Variants in EVI5 observed in about 807,000 individuals in gnomAD.
EVI5 encodes the protein ecotropic viral integration site 5.
In EVI5, 73 loss-of-function variants were observed where a neutral mutation model predicts 112.0. The ratio of observed to expected loss-of-function variants is 0.65; its 90% CI spans 0.54 to 0.79. The LOEUF (loss-of-function observed/expected upper bound fraction) is 0.79, where lower values mean the gene tolerates loss of function less well. EVI5 is among the 30% of genes least tolerant of loss of function. The pLI, the probability that EVI5 is intolerant of heterozygous loss-of-function variation, is 0.00. For synonymous variants in EVI5, 305 were observed against 319.9 expected (o/e 0.95, Z 0.50); for missense variants, 900 against 968.8 (o/e 0.93, Z 0.94).
intron 13 of EVI5, among the ~76,000 whole-genome samples, chr1:92,639,369 T>C (rs1264908629): frequency 2.0e-5 from 3 of 151,674 alleles, no homozygotes; most frequent in Non-Finnish European, 4.4e-5. Context: ...AAAAAGTAAA[T>C]ATTTGTATTG....
At chr1:92,626,145 A>C (rs1222006272) in intron 14 of EVI5, among the ~76,000 whole-genome samples, 1 of 152,178 alleles carries the variant, frequency 6.6e-6, no homozygotes, top group Non-Finnish European at 1.5e-5. Context: ...CATCACCATG[A>C]CCTAATTTCA....
intron 19 of EVI5, among the ~76,000 whole-genome samples, chr1:92,532,821 C>T (rs1198158317): frequency 6.6e-6 from 1 of 152,006 alleles, no homozygotes; most frequent in Non-Finnish European, 1.5e-5. Context: ...TAAATGCCTA[C>T]AAGAGGAAGC....
rs566135964 is a variant in EVI5 at position 92,540,380 on chromosome 1, A to T, written c.2166+23262T>A. Among the ~76,000 whole-genome samples, 4 of 152,280 alleles carry T rather than the reference A, an allele frequency of 2.6e-5. No individual in the cohort carries two copies. In the East Asian group the frequency reaches 7.7e-4, roughly 29 times the overall value. On this transcript the variant is annotated intron_variant, in intron 19 of 19. Coordinates refer to ENST00000684568, the MANE Select transcript of EVI5 (RefSeq NM_001350197.2). The stretch of plus-strand genomic sequence containing the variant: ...TCTGTTTTATTATAGCCATCCTAGT[A>T]AGTGTGAAGTGGAATCTCACTGTCA...
In EVI5 at chr1:92,744,353, CCTAA is replaced by C. The variant is rs1410618878; in HGVS notation, c.-81-7730_-81-7727del. ...GATAAATGGTGCTATTCAGCTATAG[CCTAA>C]CTGATTTTCTGTCTGCTACACTATA... is the stretch of plus-strand genomic sequence containing the variant. On this transcript the variant is annotated intron_variant, in intron 1 of 19. Transcript: ENST00000684568. Among the ~76,000 whole-genome samples, 7 of 152,084 alleles carry C rather than the reference CCTAA, an allele frequency of 4.6e-5. No homozygotes were observed. The East Asian group carries it at 1.2e-3, about 25-fold the overall frequency.
chr1:92,582,901 A>G (rs1402860447), intron 18 of EVI5, among the ~76,000 whole-genome samples: 2 of 152,196 alleles, frequency 1.3e-5, no homozygotes, highest in Non-Finnish European at 2.9e-5. Flanking sequence ...CTATCTCCTG[A>G]AGGAATATTT....
chr1:92,717,822 T>C lies in EVI5; in HGVS notation c.150-13078A>G, dbSNP rs377026531. ...TCCATCTCACGTGCAAAGACGCACA[T>C]AGGCTCAAAATAAAGGGATGGAGGA... On this transcript the variant is annotated intron_variant, in intron 2 of 19. Transcript: ENST00000684568. Among the ~76,000 whole-genome samples, 53 of 151,524 alleles carry C rather than the reference T, an allele frequency of 3.5e-4. No homozygotes were observed. The South Asian group carries it at 8.7e-3, about 25-fold the overall frequency.
At chr1:92,614,311 G>A (rs918504863) in intron 16 of EVI5, among the ~76,000 whole-genome samples, 13 of 152,236 alleles carry the variant, frequency 8.5e-5, no homozygotes, top group South Asian at 4.1e-4. Context: ...ATAGGAAAAG[G>A]CAAGGAAAAA....
intron 2 of EVI5, among the ~76,000 whole-genome samples, chr1:92,713,593 T>A (rs771419912): frequency 2.0e-5 from 3 of 151,882 alleles, no homozygotes; most frequent in Non-Finnish European, 4.4e-5. Context: ...CTGGCTAACA[T>A]GGTGAAACCC....
chr1:92,730,916 T>C (rs1190138331), intron 2 of EVI5, among the ~76,000 whole-genome samples: 1 of 152,086 alleles, frequency 6.6e-6, no homozygotes, highest in Non-Finnish European at 1.5e-5. Flanking sequence ...TATTCACAGA[T>C]GATAGGCTCA....
At chr1:92,763,637 A>T (rs938615277) in intron 1 of EVI5, among the ~76,000 whole-genome samples, 7 of 152,140 alleles carry the variant, frequency 4.6e-5, no homozygotes, top group South Asian at 2.1e-4. Context: ...AATTAATTTA[A>T]TTTAAACATT....
chr1:92,773,619 G>A (rs1683737874), intron 1 of EVI5, among the ~76,000 whole-genome samples: 1 of 152,084 alleles, frequency 6.6e-6, no homozygotes. Flanking sequence ...TCCAGCCTGG[G>A]AAACAGGGCA....
At chr1:92,562,404 C>T (rs1557792495) in intron 19 of EVI5, among the ~76,000 whole-genome samples, 3 of 152,122 alleles carry the variant, frequency 2.0e-5, no homozygotes, top group Non-Finnish European at 2.9e-5. Context: ...GTGGCGGGCG[C>T]CTGTAGTCCC....
intron 1 of EVI5, among the ~76,000 whole-genome samples, chr1:92,780,021 C>G (rs982084603): frequency 1.6e-4 from 24 of 152,148 alleles, no homozygotes; most frequent in Non-Finnish European, 2.9e-5. Context: ...CCAAATCTCA[C>G]CTTAAATTGT....
intron 19 of EVI5, among the ~76,000 whole-genome samples, chr1:92,514,491 T>A (rs1402136101): frequency 1.3e-5 from 2 of 152,140 alleles, no homozygotes; most frequent in Non-Finnish European, 2.9e-5. Context: ...ACAACCGTCC[T>A]ATGTGATAGA....
chr1:92,625,057 G>A (rs747925600), intron 15 of EVI5, among the ~76,000 whole-genome samples: 31 of 151,874 alleles, frequency 2.0e-4, no homozygotes, highest in Middle Eastern at 3.2e-3. Flanking sequence ...AATTTTCACT[G>A]TAATTTTTTT....
At chr1:92,613,304 A>AT (rs1652303840) in intron 16 of EVI5, among the ~76,000 whole-genome samples, 1 of 151,958 alleles carries the variant, frequency 6.6e-6, no homozygotes, top group East Asian at 1.9e-4. Flanking sequence ...TATTTAATTT[A>AT]TTTTTTTCTT....
At chr1:92,760,590 T>G (rs963029091) in intron 1 of EVI5, among the ~76,000 whole-genome samples, 1 of 151,760 alleles carries the variant, frequency 6.6e-6, no homozygotes, top group Non-Finnish European at 1.5e-5. Context: ...AAAAATTAGC[T>G]GGGTGTGGTG....
intron 1 of EVI5, among the ~76,000 whole-genome samples, chr1:92,770,091 G>T (rs974115828): frequency 5.5e-4 from 84 of 152,274 alleles, no homozygotes; most frequent in Non-Finnish European, 1.0e-4. Context: ...CGCAGCTCGA[G>T]AAGCTAGAGA....
intron 16 of EVI5, among the ~76,000 whole-genome samples, chr1:92,617,574 T>C (rs1653494635): frequency 6.6e-6 from 1 of 152,184 alleles, no homozygotes; most frequent in African/African-American, 2.4e-5. Flanking sequence ...AAAGTGGCCA[T>C]GGTGGCAGGG....
Sources: allele counts gnomAD v4.1 joint callset (sites outside exome capture counted in the v4.1 genomes callset), GRCh38; gene constraint gnomAD v4.1.1; transcripts MANE v1.5; gene names NCBI Gene and HGNC (gene_info 2026-07-23, HGNC 2026-07-21).